Variants in SORCS3 observed in about 807,000 individuals in gnomAD.
SORCS3 encodes sortilin related VPS10 domain containing receptor 3, also known as VPS10 domain-containing receptor SorCS3.
Under a neutral mutation model 146.3 loss-of-function variants are expected in SORCS3, and 57 were observed. The observed-to-expected ratio is 0.39, with a 90% CI of 0.31 to 0.49. The LOEUF (loss-of-function observed/expected upper bound fraction) is 0.49, where lower values mean the gene tolerates loss of function less well. Among genes scored for constraint, SORCS3 ranks in the 20% least tolerant of loss-of-function variants. The pLI is 0.92. For synonymous variants in SORCS3, 653 were observed against 618.5 expected (o/e 1.06, Z -0.83); for missense variants, 1,341 against 1,575.5 (o/e 0.85, Z 2.52).
At chr10:105,223,007 C>G (rs926140799) in intron 19 of SORCS3, 109 bp from the exon 20 acceptor site, 1 of 1,231,636 alleles carries the variant, frequency 8.1e-7, no homozygotes, top group Non-Finnish European at 1.1e-6. Context: ...GTGACCCTTC[C>G]TTTTTTACAG....
chr10:105,161,603 G>A (rs1589663554), intron 11 of SORCS3, among the ~76,000 whole-genome samples: 1 of 152,098 alleles, frequency 6.6e-6, no homozygotes, highest in East Asian at 1.9e-4. Context: ...TTTGGCAATT[G>A]CCTTTTGCAA....
chr10:104,675,394 C>G (rs1046625671), intron 1 of SORCS3, among the ~76,000 whole-genome samples: 2 of 152,030 alleles, frequency 1.3e-5, no homozygotes, highest in African/African-American at 4.8e-5. Context: ...ACAGTCTGTT[C>G]TTAATTTTAA....
intron 1 of SORCS3, among the ~76,000 whole-genome samples, chr10:104,658,025 T>C (rs1478640385): frequency 1.3e-5 from 2 of 152,246 alleles, no homozygotes. Context: ...TAATATCTAC[T>C]ATGCCTACAG....
chr10:104,641,561 C>T lies in SORCS3; in HGVS notation c.234C>T (p.Ala78=). Residue 78 remains alanine (A), a synonymous_variant, in exon 1 of 27, where the codon GCC becomes GCT. Coordinates refer to ENST00000369701, the MANE Select transcript of SORCS3 (RefSeq NM_014978.3). The surrounding 1 kb of genome is among the most constrained non-coding windows in gnomAD (Gnocchi z 6.4). ...WPEELASARR[A]AVLGRRAGPE... is the part of the protein sequence containing the mutation. ...AGGAGCTGGCGTCGGCGCGGAGAGC[C>T]GCCGTGCTGGGGCGCCGGGCCGGAC... 1 of 1,469,218 alleles carries T rather than the reference C, an allele frequency of 6.8e-7. No homozygotes were observed. The highest frequency in any genetic ancestry group is 8.9e-7 in the Non-Finnish European group (1 of 1,120,698). 91.0% of individuals were successfully genotyped at this position (1,469,218 alleles called of 1,614,324 possible).
chr10:105,136,975 T>C (rs2056063070), intron 7 of SORCS3, among the ~76,000 whole-genome samples: 1 of 152,300 alleles, frequency 6.6e-6, no homozygotes, highest in East Asian at 1.9e-4. Context: ...TGCAGGGCTC[T>C]AATAGACATG....
At chr10:104,698,250 G>A (rs1589462800) in intron 1 of SORCS3, among the ~76,000 whole-genome samples, 2 of 152,104 alleles carry the variant, frequency 1.3e-5, no homozygotes. Context: ...GAGTTTAGTG[G>A]CTTGTACAGA....
chr10:104,991,652 C>T (rs780718428), intron 4 of SORCS3, among the ~76,000 whole-genome samples: 58 of 152,032 alleles, frequency 3.8e-4, no homozygotes, highest in Non-Finnish European at 6.8e-4. Context: ...CAGGTGCGTG[C>T]CACCATACCC....
chr10:104,656,755 C>T (rs1004680389), intron 1 of SORCS3, among the ~76,000 whole-genome samples: 4 of 152,046 alleles, frequency 2.6e-5, no homozygotes, highest in Admixed American at 1.3e-4. Flanking sequence ...ATTAAATGTA[C>T]ATTAAAAAAT....
intron 7 of SORCS3, among the ~76,000 whole-genome samples, chr10:105,136,255 T>G (rs998061423): frequency 2.6e-5 from 4 of 152,176 alleles, no homozygotes; most frequent in Non-Finnish European, 5.9e-5. Flanking sequence ...GGTCTTTGTT[T>G]CTAAGATGGT....
intron 2 of SORCS3, among the ~76,000 whole-genome samples, chr10:104,869,298 G>A (rs755248109): frequency 2.0e-4 from 31 of 152,186 alleles, no homozygotes; most frequent in Non-Finnish European, 4.4e-4. Context: ...AACCAAGAGT[G>A]TCGGTGGTGT....
intron 1 of SORCS3, among the ~76,000 whole-genome samples, chr10:104,667,059 CAT>C (rs150246630): frequency 0.014 from 2,169 of 152,130 alleles, 47 homozygotes; most frequent in African/African-American, 0.046. Flanking sequence ...AAGTTAATAA[CAT>C]ATACATAGTT....
chr10:105,033,696 T>C (rs893698209), intron 4 of SORCS3, among the ~76,000 whole-genome samples: 1 of 152,204 alleles, frequency 6.6e-6, no homozygotes, highest in African/African-American at 2.4e-5. Flanking sequence ...TTGGACACTG[T>C]CATTAAATAT....
At chr10:104,993,684 G>A (rs2055007775) in intron 4 of SORCS3, among the ~76,000 whole-genome samples, 2 of 152,164 alleles carry the variant, frequency 1.3e-5, no homozygotes, top group Non-Finnish European at 1.5e-5. Flanking sequence ...AGTCCCTGAA[G>A]GGAGCTTTAA....
intron 6 of SORCS3, among the ~76,000 whole-genome samples, chr10:105,092,347 A>G (rs995290895): frequency 6.6e-6 from 1 of 152,180 alleles, no homozygotes; most frequent in Non-Finnish European, 1.5e-5. Context: ...GTTCTGTTCC[A>G]TCTTCTAGGT....
At chr10:104,922,420 G>T (rs2019096212) in intron 3 of SORCS3, among the ~76,000 whole-genome samples, 1 of 152,182 alleles carries the variant, frequency 6.6e-6, no homozygotes, top group Non-Finnish European at 1.5e-5. Flanking sequence ...ATGCACCGAA[G>T]AAAATGACTG....
At position 104,641,788 on chromosome 10, in the gene SORCS3, C is replaced by G; in HGVS notation, c.461C>G (p.Ser154Cys). Residue 154 changes from serine (S) to cysteine (C), a missense_variant, in exon 1 of 27, where the codon TCC (serine) becomes TGC (cysteine). Physicochemically the swap from Ser to Cys is moderately radical, Grantham distance 112. Transcript: ENST00000369701. The surrounding 1 kb of genome is among the most constrained non-coding windows in gnomAD (Gnocchi z 6.4). ...DAWATAPADG[S>C]RGSRPLAKGS... Reference sequence around the variant, plus strand: ...TGGGCCACTGCTCCGGCCGATGGTTCCAGAGGAAGCCGTCCCCTTGCTAAG... The same window carrying G: ...TGGGCCACTGCTCCGGCCGATGGTTGCAGAGGAAGCCGTCCCCTTGCTAAG... 6.5e-7 allele frequency: 1 copy of G among 1,548,998 alleles called. No homozygotes were observed. Among genetic ancestry groups the G allele is most frequent in the Non-Finnish European group, 8.7e-7 (1 of 1,147,062 alleles).
chr10:105,009,629 A>C (rs1451369921), intron 4 of SORCS3, among the ~76,000 whole-genome samples: 1 of 151,758 alleles, frequency 6.6e-6, no homozygotes, highest in African/African-American at 2.4e-5. Context: ...GAAAACAGTT[A>C]ATCTGTTAGA....
intron 3 of SORCS3, among the ~76,000 whole-genome samples, chr10:104,953,933 A>G (rs1306141527): frequency 6.6e-6 from 1 of 152,228 alleles, no homozygotes. Context: ...GTGGGGACTC[A>G]GCATTGGAAA....
At chr10:104,693,496 C>T (rs1378113925) in intron 1 of SORCS3, among the ~76,000 whole-genome samples, 1 of 152,216 alleles carries the variant, frequency 6.6e-6, no homozygotes, top group Non-Finnish European at 1.5e-5. Context: ...ACTGCACTTT[C>T]TTTCATTCTG....
Sources: allele counts gnomAD v4.1 joint callset (sites outside exome capture counted in the v4.1 genomes callset), GRCh38; gene constraint gnomAD v4.1.1; non-coding constraint Gnocchi (gnomAD v3.1); transcripts MANE v1.5; gene names NCBI Gene and HGNC (gene_info 2026-07-23, HGNC 2026-07-21).